KLHL1: variants seen among roughly 807,000 people sequenced by gnomAD.
KLHL1 encodes kelch-like protein 1.
KLHL1 carries 47 observed loss-of-function variants against 77.7 expected under a neutral mutation model. The ratio of observed to expected loss-of-function variants is 0.60; its 90% CI spans 0.48 to 0.77. The LOEUF (loss-of-function observed/expected upper bound fraction) is 0.77. KLHL1 is among the 30% of genes least tolerant of loss of function. The probability of loss-of-function intolerance (pLI) is 0.00; values close to 1 mark genes in which losing one functional copy is unlikely to be tolerated. For synonymous variants in KLHL1, 360 were observed against 325.2 expected (o/e 1.11, Z -1.15); for missense variants, 925 against 910.8 (o/e 1.02, Z -0.20).
chr13:69,899,998 A>C (rs1881799531), intron 4 of KLHL1, among the ~76,000 whole-genome samples: 1 of 152,146 alleles, frequency 6.6e-6, no homozygotes, highest in African/African-American at 2.4e-5. Flanking sequence ...GGCTGAACTT[A>C]CTATAACATT....
At chr13:69,964,186 A>C (rs1270708270) in intron 2 of KLHL1, among the ~76,000 whole-genome samples, 2 of 152,080 alleles carry the variant, frequency 1.3e-5, no homozygotes, top group African/African-American at 4.8e-5. Flanking sequence ...TAGGATCACA[A>C]GTATATGCTA....
At chr13:69,992,350 C>G (rs1287137798) in intron 1 of KLHL1, among the ~76,000 whole-genome samples, 1 of 151,820 alleles carries the variant, frequency 6.6e-6, no homozygotes, top group Non-Finnish European at 1.5e-5. Context: ...TTGGGGAAGA[C>G]TAATAATGAC....
At position 70,107,865 on chromosome 13, in the gene KLHL1, G is replaced by T. The variant is rs1333772707; in HGVS notation, c.-166C>A. 1.2e-5 allele frequency: 7 copies of T among 580,246 alleles called. No homozygotes were observed. The highest frequency in any genetic ancestry group is 2.0e-5 in the Non-Finnish European group (7 of 345,750). The allele number at this position is 580,246 out of a possible 1,614,324, so 35.9% of individuals were successfully genotyped here. A position where few individuals can be genotyped will look rare whatever the true frequency, so the allele number is the denominator to read the frequency against. Reference sequence around the variant, plus strand: ...GGGCTGCGCGCTCTGCCAGGCGAAGGCTGGAGCGCAGACGGCAAAGCCGCG... The same window carrying T: ...GGGCTGCGCGCTCTGCCAGGCGAAGTCTGGAGCGCAGACGGCAAAGCCGCG... On this transcript the variant is annotated 5_prime_UTR_variant, in exon 1 of 11. Coordinates refer to ENST00000377844, the MANE Select transcript of KLHL1 (RefSeq NM_020866.3).
intron 5 of KLHL1, among the ~76,000 whole-genome samples, chr13:69,868,625 C>T (rs1440667235): frequency 2.0e-5 from 3 of 151,948 alleles, no homozygotes; most frequent in Non-Finnish European, 4.4e-5. Flanking sequence ...TTGAGCTGTT[C>T]AATATCTGCG....
At chr13:69,940,766 C>A (rs1379567420) in intron 3 of KLHL1, among the ~76,000 whole-genome samples, 1 of 131,682 alleles carries the variant, frequency 7.6e-6, no homozygotes, top group Non-Finnish European at 1.6e-5. Context: ...TTTTTGTTTC[C>A]CTGTTTGGTC....
At chr13:70,001,862 A>C (rs916360679) in intron 1 of KLHL1, among the ~76,000 whole-genome samples, 1 of 151,626 alleles carries the variant, frequency 6.6e-6, no homozygotes, top group Admixed American at 6.6e-5. Flanking sequence ...TAGAGAAAGC[A>C]TTATATCTAA....
intron 7 of KLHL1, among the ~76,000 whole-genome samples, chr13:69,747,755 A>C (rs1447403722): frequency 6.6e-6 from 1 of 152,024 alleles, no homozygotes; most frequent in East Asian, 1.9e-4. Flanking sequence ...GTTGCTAAGA[A>C]CATTAGGAAT....
intron 1 of KLHL1, among the ~76,000 whole-genome samples, chr13:70,094,079 C>G (rs990636967): frequency 6.6e-6 from 1 of 152,036 alleles, no homozygotes; most frequent in African/African-American, 2.4e-5. Context: ...CTTTTTAACA[C>G]AAGAAAGTTA....
At chr13:70,097,923 T>A (rs1353450308) in intron 1 of KLHL1, among the ~76,000 whole-genome samples, 1 of 151,566 alleles carries the variant, frequency 6.6e-6, no homozygotes, top group African/African-American at 2.4e-5. Context: ...CTAGGTATCA[T>A]TGTGAAAAAT....
At chr13:70,030,488 T>A (rs1222699860) in intron 1 of KLHL1, among the ~76,000 whole-genome samples, 1 of 152,204 alleles carries the variant, frequency 6.6e-6, no homozygotes. Context: ...TGCTCCTGAA[T>A]GACTACAAGG....
At chr13:69,872,872 T>A (rs73508470) in intron 5 of KLHL1, among the ~76,000 whole-genome samples, 1,685 of 152,000 alleles carry the variant, frequency 0.011, 30 homozygotes, top group African/African-American at 0.038. Flanking sequence ...TGAGGGATCC[T>A]CCCCAATGAC....
chr13:69,785,747 GAT>G (rs1455101316), intron 7 of KLHL1, among the ~76,000 whole-genome samples: 2 of 151,964 alleles, frequency 1.3e-5, no homozygotes, highest in East Asian at 1.9e-4. Flanking sequence ...CAACAAAATC[GAT>G]AGACTGCTAG....
intron 6 of KLHL1, among the ~76,000 whole-genome samples, chr13:69,815,521 A>T (rs1399694183): frequency 1.3e-5 from 2 of 152,208 alleles, no homozygotes; most frequent in East Asian, 3.9e-4. Context: ...AAAGGATAGA[A>T]AAATGGAAAC....
chr13:70,048,470 G>T (rs2137388579), intron 1 of KLHL1, among the ~76,000 whole-genome samples: 1 of 152,284 alleles, frequency 6.6e-6, no homozygotes, highest in Middle Eastern at 3.4e-3. Context: ...CAACTTGTCT[G>T]GCAAGGCAGC....
chr13:70,076,042 T>A, intron 1 of KLHL1, among the ~76,000 whole-genome samples: 1 of 151,880 alleles, frequency 6.6e-6, no homozygotes, highest in South Asian at 2.1e-4. Context: ...CAAATAATGT[T>A]AAGATGCGAG....
chr13:69,734,547 G>A (rs1873687010), intron 8 of KLHL1, among the ~76,000 whole-genome samples: 1 of 151,958 alleles, frequency 6.6e-6, no homozygotes, highest in East Asian at 1.9e-4. Context: ...AAATAAGAAA[G>A]AAAATAAACA....
At chr13:69,857,281 G>T (rs1200342638) in intron 5 of KLHL1, among the ~76,000 whole-genome samples, 1 of 151,950 alleles carries the variant, frequency 6.6e-6, no homozygotes, top group Non-Finnish European at 1.5e-5. Flanking sequence ...CACAACATAT[G>T]TCACCTCCTT....
chr13:70,104,016 A>T (rs1475082456), intron 1 of KLHL1, among the ~76,000 whole-genome samples: 1 of 152,218 alleles, frequency 6.6e-6, no homozygotes, highest in Non-Finnish European at 1.5e-5. Flanking sequence ...AAAAGCAAGC[A>T]GTTAAAACAT....
intron 7 of KLHL1, among the ~76,000 whole-genome samples, chr13:69,772,118 A>AT (rs2137984456): frequency 6.6e-6 from 1 of 152,026 alleles, no homozygotes; most frequent in South Asian, 2.1e-4. Flanking sequence ...CGCCCAGCTA[A>AT]TTTTTGTATT....
Sources: allele counts gnomAD v4.1 joint callset (sites outside exome capture counted in the v4.1 genomes callset), GRCh38; gene constraint gnomAD v4.1.1; transcripts MANE v1.5; gene names NCBI Gene and HGNC (gene_info 2026-07-23, HGNC 2026-07-21).